The following SEMA6D variants were observed in gnomAD, a reference collection of about 807,000 sequenced individuals.
SEMA6D encodes semaphorin 6D.
Under a neutral mutation model 106.6 loss-of-function variants are expected in SEMA6D, and 35 were observed. That is an observed-to-expected ratio of 0.33 (90% confidence interval 0.25 to 0.44). The LOEUF (loss-of-function observed/expected upper bound fraction) is 0.44, where lower values mean the gene tolerates loss of function less well. Among genes scored for constraint, SEMA6D ranks in the 20% least tolerant of loss-of-function variants. SEMA6D has a pLI of 1.00. For synonymous variants in SEMA6D, 499 were observed against 487.7 expected (o/e 1.02, Z -0.31); for missense variants, 1,185 against 1,345.9 (o/e 0.88, Z 1.87).
chr15:47,435,905 GC>G (rs1471881506), intron 2 of SEMA6D, among the ~76,000 whole-genome samples: 1 of 151,996 alleles, frequency 6.6e-6, no homozygotes, highest in East Asian at 1.9e-4. Flanking sequence ...TTTAGTAGGG[GC>G]GATATGGTTT....
chr15:47,657,866 G>C lies in SEMA6D; in HGVS notation c.-55+56970G>C, dbSNP rs551864867. On this transcript the variant is annotated intron_variant, in intron 4 of 19. Transcript: ENST00000558014. ...TGCCATTCTCCTGCCTCAGCCTCCCGAGTAGCTGGGACTACAGGGACCCCC... is the reference window on the plus strand; with the variant it reads ...TGCCATTCTCCTGCCTCAGCCTCCCCAGTAGCTGGGACTACAGGGACCCCC... Among the ~76,000 whole-genome samples the C allele has an allele frequency of 6.6e-4, 99 of 149,338 alleles. 1 individual carries two copies. The Middle Eastern group carries it at 0.014, about 21-fold the overall frequency.
intron 1 of SEMA6D, among the ~76,000 whole-genome samples, chr15:47,289,007 G>A (rs2035487456): frequency 6.6e-6 from 1 of 152,134 alleles, no homozygotes. Context: ...CGGGAGGGTG[G>A]AGAGAGATTG....
At chr15:47,257,705 C>T (rs114092944) in intron 1 of SEMA6D, among the ~76,000 whole-genome samples, 1 of 150,902 alleles carries the variant, frequency 6.6e-6, no homozygotes, top group African/African-American at 2.4e-5. Context: ...ATGGGTCTAT[C>T]TTGGTAAATG....
At chr15:47,504,147 G>A (rs896805249) in intron 3 of SEMA6D, among the ~76,000 whole-genome samples, 5 of 152,180 alleles carry the variant, frequency 3.3e-5, no homozygotes, top group South Asian at 2.1e-4. Flanking sequence ...AGCATCAGCC[G>A]GGTTTGCCTT....
At chr15:47,567,228 G>T (rs2046254792) in intron 3 of SEMA6D, among the ~76,000 whole-genome samples, 1 of 152,056 alleles carries the variant, frequency 6.6e-6, no homozygotes, top group South Asian at 2.1e-4. Flanking sequence ...TTTGAGAGAG[G>T]TAACATGATA....
At chr15:47,382,461 T>G (rs956507539) in intron 1 of SEMA6D, among the ~76,000 whole-genome samples, 4 of 151,872 alleles carry the variant, frequency 2.6e-5, no homozygotes, top group Non-Finnish European at 4.4e-5. Context: ...GAGCTGAGAC[T>G]GCACCACTGC....
chr15:47,210,626 G>A lies in SEMA6D; in HGVS notation c.-239+26208G>A, dbSNP rs574234472. Among the ~76,000 whole-genome samples the A allele has an allele frequency of 4.6e-5, 7 of 151,898 alleles. No homozygotes were observed. The East Asian group carries it at 5.8e-4, about 13-fold the overall frequency. ...CTAAAAATACAAAAATCCGTGGCGC[G>A]TGGTGGCACATGCCTATAGTCCCAG... is the stretch of plus-strand genomic sequence containing the variant. On this transcript the variant is annotated intron_variant, in intron 1 of 19. Coordinates refer to the SEMA6D transcript ENST00000558014.
chr15:47,394,281 T>C (rs2040136675), intron 1 of SEMA6D, among the ~76,000 whole-genome samples: 2 of 152,180 alleles, frequency 1.3e-5, no homozygotes, highest in African/African-American at 4.8e-5. Flanking sequence ...TTTCTCAAAC[T>C]GAAATGGGCT....
Position 47,377,606 on chromosome 15 carries a change from C to T in SEMA6D, c.-238-34787C>T, listed in dbSNP as rs115164185. Among the ~76,000 whole-genome samples the T allele has an allele frequency of 3.5e-3, 532 of 152,250 alleles. 1 individual carries two copies. The highest frequency in any genetic ancestry group is 0.012 in the African/African-American group (487 of 41,562). On this transcript the variant is annotated intron_variant, in intron 1 of 19. Coordinates refer to the SEMA6D transcript ENST00000558014. ...TTACTCAGTAAGTGGGAGGATTAGA[C>T]GTTGTCAGTAGATGTTCTACCATCC...
intron 1 of SEMA6D, among the ~76,000 whole-genome samples, chr15:47,343,172 GT>G (rs1366573380): frequency 1.3e-5 from 2 of 151,472 alleles, no homozygotes; most frequent in African/African-American, 2.4e-5. Context: ...AAAGTCTTCA[GT>G]TTTTTTGCCA....
chr15:47,247,872 A>C (rs2033291965), intron 1 of SEMA6D, among the ~76,000 whole-genome samples: 1 of 152,222 alleles, frequency 6.6e-6, no homozygotes, highest in Non-Finnish European at 1.5e-5. Context: ...TGCAAAGGGT[A>C]GTGAGCTGGG....
At chr15:47,268,131 T>A (rs1381908097) in intron 1 of SEMA6D, among the ~76,000 whole-genome samples, 1 of 152,130 alleles carries the variant, frequency 6.6e-6, no homozygotes. Flanking sequence ...TGCACATTAA[T>A]GTTTGAAAGG....
chr15:47,386,137 G>T (rs1248021444), intron 1 of SEMA6D, among the ~76,000 whole-genome samples: 2 of 152,124 alleles, frequency 1.3e-5, no homozygotes, highest in Non-Finnish European at 2.9e-5. Flanking sequence ...ATGCCATTAG[G>T]TTCAAGGGGC....
chr15:47,403,256 T>G (rs2040456264), intron 1 of SEMA6D, among the ~76,000 whole-genome samples: 1 of 152,188 alleles, frequency 6.6e-6, no homozygotes. Context: ...CTCTTCTTTT[T>G]TGCATAATCT....
chr15:47,429,323 A>G (rs1567073464), intron 2 of SEMA6D, among the ~76,000 whole-genome samples: 2 of 152,138 alleles, frequency 1.3e-5, no homozygotes, highest in African/African-American at 4.8e-5. Context: ...TCTTTTTAGC[A>G]TTCTTGTAAG....
intron 4 of SEMA6D, among the ~76,000 whole-genome samples, chr15:47,609,192 G>C (rs1052538028): frequency 3.9e-5 from 6 of 152,148 alleles, no homozygotes; most frequent in African/African-American, 1.4e-4. Flanking sequence ...TAGGGTTTCT[G>C]TCTGTAACTT....
chr15:47,755,312 C>T (rs142322254), intron 1 of SEMA6D, among the ~76,000 whole-genome samples: 1 of 152,200 alleles, frequency 6.6e-6, no homozygotes, highest in African/African-American at 2.4e-5. Flanking sequence ...TCCATGTTGT[C>T]ATCTTTTTTT....
At chr15:47,390,711 T>C (rs1567046371) in intron 1 of SEMA6D, among the ~76,000 whole-genome samples, 1 of 152,154 alleles carries the variant, frequency 6.6e-6, no homozygotes, top group African/African-American at 2.4e-5. Context: ...ATTCCTCAGG[T>C]CTTTTGTGAA....
At chr15:47,404,086 C>T (rs1265989882) in intron 1 of SEMA6D, among the ~76,000 whole-genome samples, 7 of 152,150 alleles carry the variant, frequency 4.6e-5, no homozygotes, top group Admixed American at 4.6e-4. Context: ...AAACATGCGT[C>T]TATCAGTAAG....
Sources: gnomAD v4.1 joint callset for allele counts (sites outside exome capture counted in the v4.1 genomes callset) on GRCh38, gnomAD v4.1.1 for gene constraint, MANE v1.5 for transcripts, NCBI Gene and HGNC (gene_info 2026-07-23, HGNC 2026-07-21) for gene names.